CAMK1D: variants seen among roughly 807,000 people sequenced by gnomAD.
The protein encoded by CAMK1D is calcium/calmodulin dependent protein kinase ID.
In CAMK1D, 9 loss-of-function variants were observed where a neutral mutation model predicts 47.7. The ratio of observed to expected loss-of-function variants is 0.19; its 90% confidence interval spans 0.11 to 0.33. The LOEUF is 0.33. CAMK1D is among the 10% of genes least tolerant of loss of function. The pLI is 1.00. For synonymous variants in CAMK1D, 184 were observed against 184.9 expected (o/e 0.99, Z 0.04); for missense variants, 291 against 488.7 (o/e 0.60, Z 3.81).
chr10:12,723,207 G>A (rs11257959), intron 3 of CAMK1D, among the ~76,000 whole-genome samples: 21,209 of 152,102 alleles, frequency 0.14, 3,234 homozygotes, highest in African/African-American at 0.38. Flanking sequence ...TTGGAAGGAG[G>A]CAGGCTGCAG....
At chr10:12,655,202 A>G (rs1044448651) in intron 2 of CAMK1D, among the ~76,000 whole-genome samples, 134 of 152,106 alleles carry the variant, frequency 8.8e-4, no homozygotes, top group Non-Finnish European at 5.6e-4. Context: ...ACTTACACTC[A>G]TGATGGAAGG....
intron 2 of CAMK1D, among the ~76,000 whole-genome samples, chr10:12,612,368 G>A (rs1441191011): frequency 1.4e-5 from 2 of 144,654 alleles, no homozygotes; most frequent in African/African-American, 2.5e-5. Context: ...TTGAGACAGG[G>A]TCCCTATCTC....
At chr10:12,819,975 T>A (rs189895447) in intron 8 of CAMK1D, among the ~76,000 whole-genome samples, 1 of 152,250 alleles carries the variant, frequency 6.6e-6, no homozygotes, top group East Asian at 1.9e-4. Flanking sequence ...AGTTTCCAAC[T>A]TACGGGACTC....
At chr10:12,354,896 C>T (rs1457009729) in intron 1 of CAMK1D, among the ~76,000 whole-genome samples, 1 of 145,746 alleles carries the variant, frequency 6.9e-6, no homozygotes, top group Non-Finnish European at 1.5e-5. Context: ...GGCTGGAGTG[C>T]GGTGGTGCGA....
chr10:12,736,506 C>A (rs1220975262), intron 3 of CAMK1D, among the ~76,000 whole-genome samples: 2 of 152,012 alleles, frequency 1.3e-5, no homozygotes, highest in Non-Finnish European at 2.9e-5. Flanking sequence ...ATTATAATAT[C>A]CTTGAAAGTT....
At chr10:12,398,416 T>C (rs1243624863) in intron 1 of CAMK1D, among the ~76,000 whole-genome samples, 4 of 152,230 alleles carry the variant, frequency 2.6e-5, no homozygotes, top group African/African-American at 9.6e-5. Flanking sequence ...TGGTGCGGTC[T>C]CAGCTCACTG....
intron 3 of CAMK1D, among the ~76,000 whole-genome samples, chr10:12,693,956 T>TTA (rs1417206776): frequency 4.9e-5 from 3 of 60,692 alleles, no homozygotes; most frequent in East Asian, 9.7e-4. Flanking sequence ...ATAATATATA[T>TTA]TATATATAAA....
intron 1 of CAMK1D, among the ~76,000 whole-genome samples, chr10:12,504,762 C>T (rs920469506): frequency 6.6e-6 from 1 of 152,138 alleles, no homozygotes; most frequent in Non-Finnish European, 1.5e-5. Context: ...CTTACTACCT[C>T]CCGGGACGGT....
chr10:12,534,532 A>G (rs1374321919), intron 1 of CAMK1D, among the ~76,000 whole-genome samples: 1 of 152,032 alleles, frequency 6.6e-6, no homozygotes, highest in Non-Finnish European at 1.5e-5. Context: ...ACGCCCAGCT[A>G]ATTTTTGTAT....
At chr10:12,626,155 CTTTTA>C (rs1839207399) in intron 2 of CAMK1D, among the ~76,000 whole-genome samples, 1 of 151,826 alleles carries the variant, frequency 6.6e-6, no homozygotes, top group South Asian at 2.1e-4. Context: ...GATTAGTTTT[CTTTTA>C]TTTTAAATGA....
intron 1 of CAMK1D, among the ~76,000 whole-genome samples, chr10:12,390,023 C>G (rs1476318762): frequency 6.6e-6 from 1 of 152,012 alleles, no homozygotes; most frequent in African/African-American, 2.4e-5. Context: ...TTGGAGGTGG[C>G]TGGTGATCTT....
chr10:12,479,084 T>C (rs1833986553), intron 1 of CAMK1D, among the ~76,000 whole-genome samples: 1 of 152,236 alleles, frequency 6.6e-6, no homozygotes, highest in South Asian at 2.1e-4. Context: ...CTCTCAAACT[T>C]GAAGATGCAT....
At chr10:12,616,551 T>C (rs911071550) in intron 2 of CAMK1D, among the ~76,000 whole-genome samples, 2 of 152,156 alleles carry the variant, frequency 1.3e-5, no homozygotes, top group Non-Finnish European at 2.9e-5. Flanking sequence ...GGAGTCTCGC[T>C]CTGTCTCCCA....
chr10:12,544,760 G>GGTACTAGTGTTGAGTGGATA (rs1564402513), intron 1 of CAMK1D, among the ~76,000 whole-genome samples: 1 of 148,872 alleles, frequency 6.7e-6, no homozygotes, highest in South Asian at 2.1e-4. Context: ...TTGAGTGGAT[G>GGTACTAGTGTTGAGTGGATA]GTACTAGTGT....
chr10:12,388,409 T>C (rs1279498971), intron 1 of CAMK1D, among the ~76,000 whole-genome samples: 2 of 152,170 alleles, frequency 1.3e-5, no homozygotes, highest in Non-Finnish European at 2.9e-5. Context: ...TCCCCCAGAC[T>C]CCAGCTTCTA....
rs115151941 is a variant in CAMK1D at position 12,741,570 on chromosome 10, T to A, written c.300-19378T>A. 4.4e-3 allele frequency among the ~76,000 whole-genome samples: 663 copies of A among 152,340 alleles called. 2 individuals are homozygous for A. The highest frequency in any genetic ancestry group is 0.016 in the African/African-American group (646 of 41,576). The stretch of plus-strand genomic sequence containing the variant: ...TGGTGCTTCTGTTCAGGGAACCTTT[T>A]GGTTTTCTTATTTCTTATGAAACAT... On this transcript the variant is annotated intron_variant, in intron 3 of 10. Coordinates refer to ENST00000619168, the MANE Select transcript of CAMK1D (RefSeq NM_153498.4).
rs943015906 is a variant in CAMK1D at position 12,558,278 on chromosome 10, G to A, written c.224+4922G>A. ...TGACATCTAATTTCAAAACTTGACC[G>A]GCACGGTGGCTCACACCTGTAAGCC... is the stretch of plus-strand genomic sequence containing the variant. On this transcript the variant is annotated intron_variant, in intron 2 of 10. Transcript: ENST00000619168. 3.3e-5 allele frequency among the ~76,000 whole-genome samples: 5 copies of A among 152,322 alleles called. No individual in the cohort carries two copies. In the East Asian group the frequency reaches 7.7e-4, roughly 23 times the overall value.
At chr10:12,432,687 TGAA>T (rs1832520642) in intron 1 of CAMK1D, among the ~76,000 whole-genome samples, 1 of 152,160 alleles carries the variant, frequency 6.6e-6, no homozygotes, top group Non-Finnish European at 1.5e-5. Context: ...ATGGGTGAGT[TGAA>T]TAATGAATGA....
chr10:12,462,166 T>G (rs377061708), intron 1 of CAMK1D, among the ~76,000 whole-genome samples: 19,416 of 141,414 alleles, frequency 0.14, 1,469 homozygotes, highest in Non-Finnish European at 0.18. Flanking sequence ...GTTTTTTTTT[T>G]TTTTTTTTTT....
Sources: gnomAD v4.1 joint callset for allele counts (sites outside exome capture counted in the v4.1 genomes callset) on GRCh38, gnomAD v4.1.1 for gene constraint, MANE v1.5 for transcripts, NCBI Gene and HGNC (gene_info 2026-07-23, HGNC 2026-07-21) for gene names.